COQ8A: variants seen among roughly 807,000 people sequenced by gnomAD.
COQ8A encodes atypical kinase COQ8A, mitochondrial.
COQ8A carries 51 observed loss-of-function variants against 65.0 expected under a neutral mutation model. The ratio of observed to expected loss-of-function variants is 0.78; its 90% confidence interval spans 0.63 to 0.99. COQ8A has a LOEUF of 0.99. Ranked by LOEUF, COQ8A falls within the 50% of genes least tolerant of loss-of-function variation. The probability of loss-of-function intolerance (pLI) is 0.00; values close to 1 mark genes in which losing one functional copy is unlikely to be tolerated. For synonymous variants in COQ8A, 371 were observed against 353.2 expected (o/e 1.05, Z -0.57); for missense variants, 940 against 875.0 (o/e 1.07, Z -0.94).
intron 4 of COQ8A, among the ~76,000 whole-genome samples, chr1:226,967,535 C>A (rs914281618): frequency 6.6e-6 from 1 of 152,160 alleles, no homozygotes. Context: ...TGGTGGAGCA[C>A]CACGAAGTCC....
chr1:226,972,210 C>T lies in COQ8A; in HGVS notation c.656-5239C>T, dbSNP rs933639679. Among the ~76,000 whole-genome samples the T allele has an allele frequency of 3.3e-5, 5 of 152,010 alleles. No homozygotes were observed. Among genetic ancestry groups the T allele is most frequent in the African/African-American group, 1.2e-4 (5 of 41,368 alleles). ...CTTTGTGCATAGCTCTGTGGTGGTT[C>T]CTGGGGCCTTCACACAGGAACTTAC... On this transcript the variant is annotated intron_variant, in intron 4 of 14. Coordinates refer to ENST00000366777, the MANE Select transcript of COQ8A (RefSeq NM_020247.5). The surrounding 1 kb of genome is among the most constrained non-coding windows in gnomAD (Gnocchi z 4.3).
chr1:226,974,570 A>G lies in COQ8A; in HGVS notation c.656-2879A>G, dbSNP rs117595798. On this transcript the variant is annotated intron_variant, in intron 4 of 14. Transcript: ENST00000366777. Reference sequence around the variant, plus strand: ...GTTGCCTCCAGTGCTGGCTGGTTCTAATGGAGGGCAGAGGCTGGCCTGGGT... The same window carrying G: ...GTTGCCTCCAGTGCTGGCTGGTTCTGATGGAGGGCAGAGGCTGGCCTGGGT... Among the ~76,000 whole-genome samples, 377 of 152,172 alleles carry G rather than the reference A, an allele frequency of 2.5e-3. 9 individuals are homozygous for G. The East Asian group carries it at 0.047, about 19-fold the overall frequency.
At chr1:226,967,285 C>T (rs1658625793) in intron 4 of COQ8A, among the ~76,000 whole-genome samples, 1 of 152,166 alleles carries the variant, frequency 6.6e-6, no homozygotes, top group South Asian at 2.1e-4. Flanking sequence ...CTTCTTTCCC[C>T]ATGATATTGA....
At chr1:226,984,696 G>C in intron 12 of COQ8A, 41 bp downstream of exon 12, 1 of 1,583,656 alleles carries the variant, frequency 6.3e-7, no homozygotes, top group Non-Finnish European at 8.7e-7. Flanking sequence ...AGGCCTGAGA[G>C]CTTCTCCGAA....
In COQ8A at chr1:226,949,810, G is replaced by A. The variant is rs1250793144; in HGVS notation, c.-10+9411G>A. Among the ~76,000 whole-genome samples the A allele has an allele frequency of 6.6e-6, 1 of 152,146 alleles. No individual in the cohort carries two copies. The highest frequency in any genetic ancestry group is 1.5e-5 in the Non-Finnish European group (1 of 68,026). On this transcript the variant is annotated intron_variant, in intron 1 of 14. Coordinates refer to ENST00000366777, the MANE Select transcript of COQ8A (RefSeq NM_020247.5). This position sits in a 1 kb window ranked among gnomAD's most constrained non-coding sequence, Gnocchi z 4.0. ...TTTTTAAGCACCTACTATATGTCCT[G>A]AATGCTGTTACATGGATTTATCCAG...
chr1:226,955,262 G>A (rs1004185825), intron 1 of COQ8A, among the ~76,000 whole-genome samples: 2 of 151,972 alleles, frequency 1.3e-5, no homozygotes, highest in Non-Finnish European at 2.9e-5. Flanking sequence ...AGGTGGTTGG[G>A]GTGCTAGGCT....
chr1:226,961,868 C>G (rs1658275627), intron 2 of COQ8A, among the ~76,000 whole-genome samples: 2 of 152,200 alleles, frequency 1.3e-5, no homozygotes, highest in African/African-American at 4.8e-5. Context: ...GGGCCTGTTT[C>G]CTAATCCATA....
At chr1:226,955,391 ACT>A (rs1396891710) in intron 1 of COQ8A, among the ~76,000 whole-genome samples, 3 of 138,272 alleles carry the variant, frequency 2.2e-5, no homozygotes, top group East Asian at 2.3e-4. Context: ...CCTGGCTCCC[ACT>A]CTCCCTGGCT....
At chr1:226,979,303 C>T (rs1212119117) in intron 5 of COQ8A, among the ~76,000 whole-genome samples, 9 of 152,308 alleles carry the variant, frequency 5.9e-5, no homozygotes, top group African/African-American at 2.2e-4. Flanking sequence ...AGGAGTGGGG[C>T]GCACTGAGTC....
intron 11 of COQ8A, 98 bp from the exon 12 acceptor site, chr1:226,984,450 G>C: frequency 7.6e-7 from 1 of 1,322,974 alleles, no homozygotes; most frequent in Non-Finnish European, 1.1e-6. Flanking sequence ...CTAGGGTAGG[G>C]TGGGTAAAAC....
chr1:226,981,647 C>T (rs749629837), intron 5 of COQ8A, among the ~76,000 whole-genome samples: 1 of 152,242 alleles, frequency 6.6e-6, no homozygotes, highest in Non-Finnish European at 1.5e-5. Context: ...CACCTCCTCA[C>T]CTGGGGTCCT....
At chr1:226,976,271 C>T (rs1223821393) in intron 4 of COQ8A, among the ~76,000 whole-genome samples, 2 of 146,920 alleles carry the variant, frequency 1.4e-5, no homozygotes, top group Non-Finnish European at 3.0e-5. Flanking sequence ...TGCCTGGCTG[C>T]GGGGCTGCAG....
chr1:226,961,214 C>T (rs1269311723), intron 1 of COQ8A, among the ~76,000 whole-genome samples, 163 bp from the exon 2 acceptor site: 2 of 152,334 alleles, frequency 1.3e-5, no homozygotes, highest in African/African-American at 2.4e-5. Context: ...CACGTGGAGC[C>T]TCCCTTGAGC....
At chr1:226,961,586 G>A (rs769229494) in intron 2 of COQ8A, 24 bp downstream of exon 2, 1 of 1,597,770 alleles carries the variant, frequency 6.3e-7, no homozygotes, top group South Asian at 1.1e-5. Flanking sequence ...GCAGTGGGAG[G>A]GGTGCTGGCA....
At chr1:226,960,130 G>C (rs1327542681) in intron 1 of COQ8A, among the ~76,000 whole-genome samples, 1 of 148,932 alleles carries the variant, frequency 6.7e-6, no homozygotes, top group African/African-American at 2.5e-5. Context: ...AGTGGTACTT[G>C]GTGGTGGTGG....
At chr1:226,960,470 T>TGGC (rs1407987744) in intron 1 of COQ8A, among the ~76,000 whole-genome samples, 2 of 151,330 alleles carry the variant, frequency 1.3e-5, no homozygotes, top group Non-Finnish European at 2.9e-5. Flanking sequence ...TACTTGGTGG[T>TGGC]GGTGGCAGTG....
Position 226,984,190 on chromosome 1 carries a change from C to A in COQ8A, c.1353C>A (p.Phe451Leu). 6.2e-7 allele frequency: 1 copy of A among 1,613,826 alleles called. No individual in the cohort carries two copies. The highest frequency in any genetic ancestry group is 8.5e-7 in the Non-Finnish European group (1 of 1,180,004). The part of the protein sequence containing the change: ...HVLTTELVSG[F>L]PLDQAEGLSQ... ...TGACCACAGAGCTGGTGTCTGGCTT[C>A]CCCCTGGACCAGGCCGAAGGGCTCA... Residue 451 changes from phenylalanine to leucine, a missense_variant, in exon 11 of 15, where the codon TTC becomes TTA. Physicochemically the swap from Phe to Leu is conservative, Grantham distance 22. Transcript: ENST00000366777.
At chr1:226,979,248 C>T (rs528603860) in intron 5 of COQ8A, among the ~76,000 whole-genome samples, 9 of 152,352 alleles carry the variant, frequency 5.9e-5, no homozygotes, top group African/African-American at 1.4e-4. Context: ...AGAGGTCCTG[C>T]GAACGGACCA....
At chr1:226,983,948 G>T in intron 10 of COQ8A, 94 bp downstream of exon 10, 2 of 1,553,910 alleles carry the variant, frequency 1.3e-6, no homozygotes, top group South Asian at 1.1e-5. Context: ...AGCTCTGAGG[G>T]GCAGAGGGCT....
Sources: allele counts gnomAD v4.1 joint callset (sites outside exome capture counted in the v4.1 genomes callset), GRCh38; gene constraint gnomAD v4.1.1; non-coding constraint Gnocchi (gnomAD v3.1); transcripts MANE v1.5; gene names NCBI Gene and HGNC (gene_info 2026-07-23, HGNC 2026-07-21).